ABTB3: variants seen among roughly 807,000 people sequenced by gnomAD.
The protein encoded by ABTB3 is ankyrin repeat and BTB domain containing 3.
At chr12:107,407,086 G>T in the ABTB3 span, among the ~76,000 whole-genome samples, 12 of 152,318 alleles carry the variant, frequency 7.9e-5, no homozygotes, top group East Asian at 2.3e-3. Context: ...GATTCAGTGA[G>T]TTAATACACA....
At chr12:107,427,879 C>T in the ABTB3 span, among the ~76,000 whole-genome samples, 1 of 152,160 alleles carries the variant, frequency 6.6e-6, no homozygotes. Flanking sequence ...CTCATGTGTT[C>T]CCTGGATGCT....
At chr12:107,631,012 T>G in the ABTB3 span, among the ~76,000 whole-genome samples, 1 of 152,228 alleles carries the variant, frequency 6.6e-6, no homozygotes, top group East Asian at 1.9e-4. Flanking sequence ...TACATGATGC[T>G]GAGGTTTGGG....
At chr12:107,500,613 G>A in the ABTB3 span, among the ~76,000 whole-genome samples, 6 of 152,182 alleles carry the variant, frequency 3.9e-5, no homozygotes, top group Admixed American at 3.9e-4. Flanking sequence ...TTCTACCAGA[G>A]TTTCCTCCCT....
At chr12:107,501,278 G>C in the ABTB3 span, among the ~76,000 whole-genome samples, 1 of 152,096 alleles carries the variant, frequency 6.6e-6, no homozygotes, top group Non-Finnish European at 1.5e-5. Flanking sequence ...CATTCCGTAA[G>C]ACAACCTGCT....
the ABTB3 span, among the ~76,000 whole-genome samples, chr12:107,636,331 C>T: frequency 3.3e-5 from 5 of 152,086 alleles, no homozygotes; most frequent in Non-Finnish European, 5.9e-5. Context: ...GTTGCAAGGG[C>T]CTGTCTCCCT....
chr12:107,404,162 CAAAAAAA>C, the ABTB3 span, among the ~76,000 whole-genome samples: 110 of 40,248 alleles, frequency 2.7e-3, 1 homozygote, highest in African/African-American at 7.5e-3. Flanking sequence ...GACTCTAACT[CAAAAAAA>C]AAAAAAAAAA....
chr12:107,580,380 GC>G, the ABTB3 span, among the ~76,000 whole-genome samples: 2 of 152,232 alleles, frequency 1.3e-5, no homozygotes, highest in Admixed American at 6.5e-5. Flanking sequence ...TTAGAAAGTT[GC>G]CCTTCAGTTG....
At chr12:107,425,823 G>A in the ABTB3 span, among the ~76,000 whole-genome samples, 15 of 152,160 alleles carry the variant, frequency 9.9e-5, no homozygotes, top group Admixed American at 4.6e-4. Flanking sequence ...ATGCTCAGTT[G>A]GTGCCAATCC....
At chr12:107,641,308 A>T in the ABTB3 span, among the ~76,000 whole-genome samples, 72 of 152,342 alleles carry the variant, frequency 4.7e-4, no homozygotes, top group African/African-American at 1.7e-3. Flanking sequence ...TACCAATGTT[A>T]TATTCTTAGT....
the ABTB3 span, among the ~76,000 whole-genome samples, chr12:107,426,946 T>C: frequency 1.3e-5 from 2 of 152,202 alleles, no homozygotes; most frequent in African/African-American, 4.8e-5. Flanking sequence ...CCTGCTTTTT[T>C]CAATTTCATC....
the ABTB3 span, among the ~76,000 whole-genome samples, chr12:107,583,922 C>G: frequency 2.2e-4 from 34 of 152,262 alleles, no homozygotes; most frequent in Non-Finnish European, 4.7e-4. Context: ...AGAAAATATA[C>G]TAATTGATTG....
the ABTB3 span, among the ~76,000 whole-genome samples, chr12:107,429,579 A>G: frequency 6.6e-6 from 1 of 152,224 alleles, no homozygotes; most frequent in Non-Finnish European, 1.5e-5. Flanking sequence ...TCAGCTGCAC[A>G]GAAGCTGCTG....
the ABTB3 span, among the ~76,000 whole-genome samples, chr12:107,607,062 C>T: frequency 2.0e-5 from 3 of 152,166 alleles, no homozygotes; most frequent in African/African-American, 7.2e-5. Context: ...GAGATAGATG[C>T]TGTGTTTACA....
At chr12:107,450,980 G>GT in the ABTB3 span, among the ~76,000 whole-genome samples, 811 of 147,250 alleles carry the variant, frequency 5.5e-3, 3 homozygotes, top group African/African-American at 7.8e-3. Flanking sequence ...TTCAATATGT[G>GT]TTTTTTTTTT....
chr12:107,516,195 T>C, the ABTB3 span, among the ~76,000 whole-genome samples: 16,445 of 152,032 alleles, frequency 0.11, 952 homozygotes, highest in African/African-American at 0.14. Flanking sequence ...AACATTAAAA[T>C]CTAATGGTCA....
the ABTB3 span, among the ~76,000 whole-genome samples, chr12:107,526,020 T>G: frequency 3.3e-5 from 5 of 152,208 alleles, no homozygotes; most frequent in Non-Finnish European, 5.9e-5. Context: ...AAATCAGCTT[T>G]GTATTGTGAG....
chr12:107,367,591 G>A, the ABTB3 span, among the ~76,000 whole-genome samples: 1 of 152,048 alleles, frequency 6.6e-6, no homozygotes, highest in Non-Finnish European at 1.5e-5. Flanking sequence ...TGCAACCTCT[G>A]CCTCCTCCCA....
the ABTB3 span, among the ~76,000 whole-genome samples, chr12:107,595,115 C>T: frequency 6.6e-6 from 1 of 152,144 alleles, no homozygotes; most frequent in Non-Finnish European, 1.5e-5. Flanking sequence ...CATAGAGAGA[C>T]TTGCTGAATG....
the ABTB3 span, among the ~76,000 whole-genome samples, chr12:107,541,806 G>A: frequency 6.6e-6 from 1 of 152,082 alleles, no homozygotes; most frequent in African/African-American, 2.4e-5. Flanking sequence ...ACTACCTGTT[G>A]GGTACTATGC....
Sources: gnomAD v4.1 joint callset for allele counts (sites outside exome capture counted in the v4.1 genomes callset) on GRCh38, gnomAD v4.1.1 for gene constraint, MANE v1.5 for transcripts, NCBI Gene and HGNC (gene_info 2026-07-23, HGNC 2026-07-21) for gene names.